Variants in KIDINS220 observed in about 807,000 individuals in gnomAD.
KIDINS220 encodes the protein kinase D-interacting substrate of 220 kDa.
Under a neutral mutation model 157.6 loss-of-function variants are expected in KIDINS220, and 63 were observed. That is an observed-to-expected ratio of 0.40 (90% CI 0.33 to 0.49). The LOEUF is 0.49. Among genes scored for constraint, KIDINS220 ranks in the 20% least tolerant of loss-of-function variants. The pLI, the probability that KIDINS220 is intolerant of heterozygous loss-of-function variation, is 0.66. For missense variants in KIDINS220, 1,772 were observed against 2,171.2 expected (o/e 0.82, Z 3.65); for synonymous variants, 732 against 783.6 (o/e 0.93, Z 1.10).
At chr2:8,820,124 C>T (rs1308557202) in intron 2 of KIDINS220, among the ~76,000 whole-genome samples, 2 of 152,178 alleles carry the variant, frequency 1.3e-5, no homozygotes, top group African/African-American at 2.4e-5. Flanking sequence ...CCCTGAGTGA[C>T]GCGGAGCAGG....
intron 17 of KIDINS220, among the ~76,000 whole-genome samples, chr2:8,780,233 G>A (rs753260676): frequency 1.3e-5 from 2 of 152,062 alleles, no homozygotes; most frequent in Non-Finnish European, 2.9e-5. Context: ...TTATTTTGGT[G>A]GTTCAATTTG....
intron 17 of KIDINS220, among the ~76,000 whole-genome samples, chr2:8,783,179 A>G (rs1309294551): frequency 6.9e-6 from 1 of 144,708 alleles, no homozygotes; most frequent in Admixed American, 7.3e-5. Context: ...CCTGGGCAAC[A>G]AGAGTAAAAC....
chr2:8,812,387 T>A lies in KIDINS220; in HGVS notation c.504+8A>T. 1.3e-6 allele frequency: 2 copies of A among 1,541,402 alleles called. No individual in the cohort carries two copies. The highest frequency in any genetic ancestry group is 1.8e-6 in the Non-Finnish European group (2 of 1,127,976). ...GGACTGGAACCTGAAAAGATGCTGC[T>A]GACCTACCTTATCAGAGCAGTTGAC... On this transcript the variant is annotated splice_region_variant and intron_variant, in intron 6 of 29. Transcript: ENST00000256707.
At chr2:8,769,763 A>C (rs914667509) in intron 22 of KIDINS220, among the ~76,000 whole-genome samples, 4 of 152,236 alleles carry the variant, frequency 2.6e-5, no homozygotes, top group Non-Finnish European at 5.9e-5. Flanking sequence ...CGAATCATGC[A>C]TCTCACAATA....
chr2:8,791,130 C>T lies in KIDINS220; in HGVS notation c.1371G>A (p.Gln457=), dbSNP rs372815136. 63 of 1,614,018 alleles carry T rather than the reference C, an allele frequency of 3.9e-5. No individual in the cohort carries two copies. Among genetic ancestry groups the T allele is most frequent in the Non-Finnish European group, 4.7e-5 (56 of 1,179,998 alleles). The part of the protein sequence containing the change: ...LADILSEPTM[Q]PPICVGLYAQ... Reference sequence around the variant, plus strand: ...CATATAACCCCACACAAATGGGTGGCTGCATGGTAGGCTCACTGAGAATAT... The same window carrying T: ...CATATAACCCCACACAAATGGGTGGTTGCATGGTAGGCTCACTGAGAATAT... Residue 457 remains glutamine (Q), a synonymous_variant, in exon 13 of 30, where the codon CAG becomes CAA. Transcript: ENST00000256707.
At chr2:8,831,969 C>G (rs1679690757) in intron 1 of KIDINS220, among the ~76,000 whole-genome samples, 2 of 152,236 alleles carry the variant, frequency 1.3e-5, no homozygotes, top group Non-Finnish European at 1.5e-5. Context: ...TAATATGAAG[C>G]ATTGCTGCTT....
rs146753792 is a variant in KIDINS220, at chr2:8,733,493, G to A, written c.4004C>T (p.Thr1335Met). The A allele has an allele frequency of 2.2e-5, 36 of 1,614,124 alleles. No individual in the cohort carries two copies. In the African/African-American group the frequency reaches 2.4e-4, roughly 11 times the overall value. ...TLNFSFEELN[T>M]LGLDEGAPRH... is the part of the protein sequence containing the mutation. ...AGGGGCACCTTCATCCAGGCCAAGC[G>A]TGTTCAGCTCTTCGAAGCTGAAGTT... is the stretch of plus-strand genomic sequence containing the variant. The change falls in exon 29 of 30, where the codon ACG (threonine) becomes ATG (methionine). Residue 1335 changes from threonine to methionine, a missense_variant. Thr to Met is a moderately conservative substitution (Grantham distance 81). This residue lies in a region of KIDINS220 where 793 missense variants were observed against 885.5 expected (regional missense o/e 0.90). Transcript: ENST00000256707.
intron 22 of KIDINS220, among the ~76,000 whole-genome samples, chr2:8,752,623 T>C (rs1412720137): frequency 1.3e-5 from 2 of 152,136 alleles, no homozygotes; most frequent in African/African-American, 4.8e-5. Context: ...TGACTGGTTC[T>C]GAAACCCATG....
chr2:8,786,875 C>A (rs1170469935), intron 15 of KIDINS220, among the ~76,000 whole-genome samples: 1 of 152,170 alleles, frequency 6.6e-6, no homozygotes. Flanking sequence ...TCCACGTCTA[C>A]CAGGGATTGA....
chr2:8,745,676 G>A (rs529333113), intron 26 of KIDINS220, among the ~76,000 whole-genome samples: 38 of 152,214 alleles, frequency 2.5e-4, no homozygotes, highest in Middle Eastern at 3.4e-3. Context: ...GTGGGAGCCT[G>A]TAATCCCAGC....
In KIDINS220 at chr2:8,774,298, A is replaced by C. The variant is rs567449908; in HGVS notation, c.2848+2450T>G. 2.8e-3 allele frequency among the ~76,000 whole-genome samples: 418 copies of C among 150,404 alleles called. 1 individual carries two copies. The highest frequency in any genetic ancestry group is 4.7e-3 in the Non-Finnish European group (315 of 67,326). ...GAGACAGGGTGAGACTCTGTCTCAA[A>C]AAAAAAAAAAAAAAGAAGGAAAGAA... On this transcript the variant is annotated intron_variant, in intron 21 of 29. Transcript: ENST00000256707.
chr2:8,820,762 G>A (rs940167491), intron 2 of KIDINS220, among the ~76,000 whole-genome samples: 5 of 152,128 alleles, frequency 3.3e-5, no homozygotes, highest in African/African-American at 1.2e-4. Flanking sequence ...TGCACGTACT[G>A]CTAGTTATTA....
intron 20 of KIDINS220, 108 bp from the exon 21 acceptor site, chr2:8,777,000 T>C (rs1671056942): frequency 1.6e-6 from 2 of 1,217,900 alleles, no homozygotes; most frequent in Non-Finnish European, 2.3e-6. Flanking sequence ...ATCCAAAGTT[T>C]TAGTCAAAGA....
Position 8,729,399 on chromosome 2 carries a change from A to G in KIDINS220, c.*1321T>C. The G allele has an allele frequency of 1.0e-6, 1 of 985,454 alleles. No homozygotes were observed. Among genetic ancestry groups the G allele is most frequent in the Non-Finnish European group, 1.2e-6 (1 of 829,922 alleles). The allele number at this position is 985,454 out of a possible 1,614,324, so 61.0% of individuals were successfully genotyped here. ...TGCGATCTCACCATCTACCGTCCTA[A>G]CTGTGACTTGGGGTAAACCACCAGA... On this transcript the variant is annotated 3_prime_UTR_variant, in exon 30 of 30. Coordinates refer to ENST00000256707, the MANE Select transcript of KIDINS220 (RefSeq NM_020738.4).
At chr2:8,771,084 C>G (rs960561941) in intron 21 of KIDINS220, among the ~76,000 whole-genome samples, 1 of 152,130 alleles carries the variant, frequency 6.6e-6, no homozygotes, top group African/African-American at 2.4e-5. Flanking sequence ...GTGAGATATA[C>G]TTCTTCGACC....
At chr2:8,785,637 C>T (rs555741951) in intron 17 of KIDINS220, 104 bp downstream of exon 17, 1 of 939,052 alleles carries the variant, frequency 1.1e-6, no homozygotes, top group African/African-American at 1.7e-5. Flanking sequence ...AAAATAAATG[C>T]AACACTTTAA....
chr2:8,734,935 C>T (rs938146112), intron 27 of KIDINS220, among the ~76,000 whole-genome samples, 182 bp from the exon 28 acceptor site: 3 of 152,318 alleles, frequency 2.0e-5, no homozygotes, highest in East Asian at 1.9e-4. Flanking sequence ...ATTTGAACAA[C>T]ATCAGCCACT....
In KIDINS220 at chr2:8,798,309, T is replaced by C; in HGVS notation, c.901-9A>G. 6.7e-7 allele frequency: 1 copy of C among 1,491,802 alleles called. No individual in the cohort carries two copies. The highest frequency in any genetic ancestry group is 9.3e-7 in the Non-Finnish European group (1 of 1,071,674). The allele number at this position is 1,491,802 out of a possible 1,614,324, so 92.4% of individuals were successfully genotyped here. A position where few individuals can be genotyped will look rare whatever the true frequency, so the allele number is the denominator to read the frequency against. ...AAAGCAGTTTTATTATCCTAGATAATTAAAAAAAACACAATCACTTCATGT... is the reference window on the plus strand; with the variant it reads ...AAAGCAGTTTTATTATCCTAGATAACTAAAAAAAACACAATCACTTCATGT... On this transcript the variant is annotated splice_polypyrimidine_tract_variant and intron_variant, in intron 9 of 29. Coordinates refer to ENST00000256707, the MANE Select transcript of KIDINS220 (RefSeq NM_020738.4).
chr2:8,814,971 G>C (rs1018486759), intron 4 of KIDINS220, among the ~76,000 whole-genome samples: 4 of 152,206 alleles, frequency 2.6e-5, no homozygotes, highest in African/African-American at 9.6e-5. Flanking sequence ...CTCCTCTAAA[G>C]TGTCAAGGCC....
Sources: gnomAD v4.1 joint callset for allele counts (sites outside exome capture counted in the v4.1 genomes callset) on GRCh38, gnomAD v4.1.1 for gene constraint, gnomAD v4.1.1 regional missense constraint, MANE v1.5 for transcripts, NCBI Gene and HGNC (gene_info 2026-07-23, HGNC 2026-07-21) for gene names.